The following TMEM87A variants were observed in gnomAD, a reference collection of about 807,000 sequenced individuals.
The protein encoded by TMEM87A is Golgi-pH regulating cation channel.
In TMEM87A, 50 loss-of-function variants were observed where a neutral mutation model predicts 90.0. The ratio of observed to expected loss-of-function variants is 0.56; its 90% confidence interval spans 0.44 to 0.70. TMEM87A has a LOEUF of 0.70. TMEM87A is among the 30% of genes least tolerant of loss of function. The probability of loss-of-function intolerance (pLI) is 0.00; values close to 1 mark genes in which losing one functional copy is unlikely to be tolerated. For missense variants in TMEM87A, 577 were observed against 660.5 expected (o/e 0.87, Z 1.39); for synonymous variants, 226 against 226.7 (o/e 1.00, Z 0.03).
At chr15:42,213,351 C>T (rs1430617711) in intron 19 of TMEM87A, among the ~76,000 whole-genome samples, 1 of 152,216 alleles carries the variant, frequency 6.6e-6, no homozygotes, top group African/African-American at 2.4e-5. Flanking sequence ...ACTACAGCCG[C>T]TCCCCCAGCT....
intron 6 of TMEM87A, among the ~76,000 whole-genome samples, chr15:42,252,713 T>C (rs1595737754): frequency 6.6e-6 from 1 of 151,968 alleles, no homozygotes; most frequent in Non-Finnish European, 1.5e-5. Flanking sequence ...TCATCCATGG[T>C]TTTTTTATTT....
At chr15:42,243,141 G>A (rs999000298) in intron 7 of TMEM87A, among the ~76,000 whole-genome samples, 12 of 151,978 alleles carry the variant, frequency 7.9e-5, no homozygotes, top group East Asian at 5.8e-4. Context: ...GGTGGCGGGC[G>A]CCTGTAGTCC....
chr15:42,262,945 A>G (rs1352222972), intron 4 of TMEM87A, among the ~76,000 whole-genome samples: 5 of 152,240 alleles, frequency 3.3e-5, no homozygotes, highest in Non-Finnish European at 7.3e-5. Context: ...CTCCACTTAC[A>G]TGATTGCATA....
At chr15:42,271,895 G>A (rs987858374) in intron 2 of TMEM87A, among the ~76,000 whole-genome samples, 168 bp downstream of exon 2, 1 of 151,624 alleles carries the variant, frequency 6.6e-6, no homozygotes, top group Non-Finnish European at 1.5e-5. Context: ...AAGTTCACAC[G>A]AGTACTTTGA....
At position 42,239,702 on chromosome 15, in the gene TMEM87A, A is replaced by G; in HGVS notation, c.652T>C (p.Tyr218His). The part of the protein sequence containing the change: ...MTVEVKGPYE[Y>H]LTLEDYPLMI... ...AAGGGATAGTCTTCAAGTGTGAGGTATTCATAGGGACCCTTCACTTCAACA... is the reference window on the plus strand; with the variant it reads ...AAGGGATAGTCTTCAAGTGTGAGGTGTTCATAGGGACCCTTCACTTCAACA... Residue 218 changes from tyrosine to histidine, a missense_variant, in exon 8 of 20, where the codon TAC becomes CAC. By Grantham distance (83) the Tyr-to-His change is moderately conservative (BLOSUM62 2). Transcript: ENST00000389834. 1.2e-6 allele frequency: 2 copies of G among 1,613,998 alleles called. No individual in the cohort carries two copies. Among genetic ancestry groups the G allele is most frequent in the South Asian group, 1.1e-5 (1 of 91,076 alleles).
At chr15:42,237,932 T>A (rs1015659740) in intron 8 of TMEM87A, among the ~76,000 whole-genome samples, 2 of 152,190 alleles carry the variant, frequency 1.3e-5, no homozygotes, top group African/African-American at 2.4e-5. Context: ...GAAAGCATTA[T>A]CTTGTCTTGA....
chr15:42,261,120 T>C (rs2051281528), intron 5 of TMEM87A, 76 bp downstream of exon 5: 2 of 1,549,768 alleles, frequency 1.3e-6, no homozygotes, highest in African/African-American at 1.4e-5. Context: ...TCCTTAGAGA[T>C]GCAGTGAGCA....
intron 6 of TMEM87A, chr15:42,257,815 G>A (rs2051211839): frequency 1.7e-6 from 1 of 600,636 alleles, no homozygotes. Context: ...AAAAGGTGAA[G>A]TAGTATTCAA....
chr15:42,238,669 GC>G (rs2050818160), intron 8 of TMEM87A, among the ~76,000 whole-genome samples: 1 of 151,654 alleles, frequency 6.6e-6, no homozygotes, highest in African/African-American at 2.4e-5. Flanking sequence ...GGTAGCTTCA[GC>G]CTGGAGTTTA....
At chr15:42,273,508 C>G, upstream of TMEM87A, 2 of 1,520,128 alleles carry the variant, frequency 1.3e-6, no homozygotes, top group Non-Finnish European at 1.8e-6. Context: ...GGAAACGTCG[C>G]GGAGCTTGTT....
chr15:42,262,621 T>C (rs2051318078), intron 4 of TMEM87A, among the ~76,000 whole-genome samples: 1 of 152,106 alleles, frequency 6.6e-6, no homozygotes, highest in African/African-American at 2.4e-5. Flanking sequence ...TTCACCATGT[T>C]GGCCAGGCTG....
chr15:42,253,721 CTTCT>C (rs1365045565), intron 6 of TMEM87A, among the ~76,000 whole-genome samples: 1 of 152,194 alleles, frequency 6.6e-6, no homozygotes, highest in Admixed American at 6.5e-5. Context: ...AATGTAGCAG[CTTCT>C]TTCTTTGTTG....
chr15:42,227,011 GT>G, intron 14 of TMEM87A, 102 bp from the exon 15 acceptor site: 1 of 1,137,670 alleles, frequency 8.8e-7, no homozygotes, highest in Non-Finnish European at 1.3e-6. Context: ...GTTCATTCAA[GT>G]TATGTTTACT....
intron 2 of TMEM87A, among the ~76,000 whole-genome samples, chr15:42,269,225 A>G (rs746851822): frequency 4.6e-5 from 7 of 152,226 alleles, no homozygotes; most frequent in Non-Finnish European, 8.8e-5. Context: ...CTATGAAAGG[A>G]AAAATATACT....
At chr15:42,258,929 T>C (rs919568493) in intron 6 of TMEM87A, 21 of 1,209,540 alleles carry the variant, frequency 1.7e-5, no homozygotes, top group Non-Finnish European at 2.4e-5. Flanking sequence ...TTTTGGAACT[T>C]TGGAAATTAT....
At chr15:42,221,806 A>T (rs2050491277) in intron 15 of TMEM87A, among the ~76,000 whole-genome samples, 1 of 152,196 alleles carries the variant, frequency 6.6e-6, no homozygotes, top group Non-Finnish European at 1.5e-5. Context: ...GCTGCAGTGC[A>T]GTGGTATGAC....
At chr15:42,223,773 A>G (rs1266755437) in intron 15 of TMEM87A, among the ~76,000 whole-genome samples, 2 of 152,212 alleles carry the variant, frequency 1.3e-5, no homozygotes, top group African/African-American at 4.8e-5. Context: ...AAATAAGCTA[A>G]AGATCCAACC....
intron 6 of TMEM87A, among the ~76,000 whole-genome samples, chr15:42,254,549 A>T (rs1012657797): frequency 1.3e-5 from 2 of 152,250 alleles, no homozygotes; most frequent in Non-Finnish European, 2.9e-5. Flanking sequence ...TCAAGCCACC[A>T]GAAGACATGG....
chr15:42,242,939 CATT>C (rs2050898868), intron 7 of TMEM87A, among the ~76,000 whole-genome samples: 1 of 152,062 alleles, frequency 6.6e-6, no homozygotes, highest in African/African-American at 2.4e-5. Flanking sequence ...TGGCTGCCAT[CATT>C]GTTTCTATTC....
Sources: gnomAD v4.1 joint callset for allele counts (sites outside exome capture counted in the v4.1 genomes callset) on GRCh38, gnomAD v4.1.1 for gene constraint, MANE v1.5 for transcripts, NCBI Gene and HGNC (gene_info 2026-07-23, HGNC 2026-07-21) for gene names.